Variants in GALNT14 observed in about 807,000 individuals in gnomAD.
GALNT14 encodes the protein polypeptide N-acetylgalactosaminyltransferase 14.
GALNT14 carries 60 observed loss-of-function variants against 77.5 expected under a neutral mutation model. That is an observed-to-expected ratio of 0.77 (90% CI 0.63 to 0.96). The LOEUF is 0.96. Among genes scored for constraint, GALNT14 ranks in the 40% least tolerant of loss-of-function variants. GALNT14 has a pLI of 0.00. For synonymous variants in GALNT14, 280 were observed against 281.7 expected (o/e 0.99, Z 0.06); for missense variants, 710 against 731.0 (o/e 0.97, Z 0.33).
At chr2:30,902,119 C>T in the GALNT14 span, among the ~76,000 whole-genome samples, 1 of 152,210 alleles carries the variant, frequency 6.6e-6, no homozygotes, top group Non-Finnish European at 1.5e-5. Flanking sequence ...TGGCTACACA[C>T]ATTCTCTGCT....
chr2:30,963,957 A>G (rs934772596), intron 3 of GALNT14, among the ~76,000 whole-genome samples: 7 of 152,212 alleles, frequency 4.6e-5, no homozygotes, highest in African/African-American at 1.7e-4. Flanking sequence ...GAGATGGATA[A>G]GATAAGTCCT....
intron 1 of GALNT14, among the ~76,000 whole-genome samples, chr2:31,107,393 C>G (rs1324269369): frequency 6.6e-6 from 1 of 152,218 alleles, no homozygotes; most frequent in Non-Finnish European, 1.5e-5. Context: ...CTACTTCCCC[C>G]TCATGGCCTC....
intron 1 of GALNT14, among the ~76,000 whole-genome samples, chr2:31,027,918 GCACGCA>G (rs1672170045): frequency 2.6e-5 from 4 of 151,556 alleles, no homozygotes; most frequent in Non-Finnish European, 5.9e-5. Flanking sequence ...GTGTGTGTGT[GCACGCA>G]TGCATGCGCA....
chr2:31,032,130 C>T (rs767633893), intron 1 of GALNT14, among the ~76,000 whole-genome samples: 7 of 152,302 alleles, frequency 4.6e-5, no homozygotes, highest in African/African-American at 7.2e-5. Flanking sequence ...TTGAGGCCTA[C>T]GGTAATGAGG....
chr2:30,982,180 C>T (rs148288746), intron 2 of GALNT14, among the ~76,000 whole-genome samples: 3 of 152,296 alleles, frequency 2.0e-5, no homozygotes, highest in African/African-American at 7.2e-5. Context: ...AAGACACCAC[C>T]ACTCAGCCTC....
intron 13 of GALNT14, among the ~76,000 whole-genome samples, chr2:30,923,327 G>C (rs940773939): frequency 7.9e-5 from 12 of 152,158 alleles, no homozygotes; most frequent in African/African-American, 2.9e-4. Flanking sequence ...ACCTTCCAAA[G>C]TGCTGGGATT....
intron 1 of GALNT14, among the ~76,000 whole-genome samples, chr2:31,113,187 A>C (rs2148627833): frequency 6.6e-6 from 1 of 152,332 alleles, no homozygotes; most frequent in African/African-American, 2.4e-5. Context: ...GCAATTCTGG[A>C]TAATGGTGGT....
At chr2:31,024,171 C>T (rs1357545278) in intron 1 of GALNT14, among the ~76,000 whole-genome samples, 1 of 152,146 alleles carries the variant, frequency 6.6e-6, no homozygotes, top group African/African-American at 2.4e-5. Context: ...TTGAAATATA[C>T]TCCATGCCAT....
At chr2:31,038,233 T>C (rs1672880877) in intron 1 of GALNT14, among the ~76,000 whole-genome samples, 2 of 151,106 alleles carry the variant, frequency 1.3e-5, no homozygotes, top group African/African-American at 4.9e-5. Context: ...GAGCTGAGAT[T>C]ACAGGCACAT....
At chr2:30,910,442 C>G (rs1664288144), downstream of GALNT14, 1 of 155,388 alleles carries the variant, frequency 6.4e-6, no homozygotes, top group Admixed American at 6.4e-5. Context: ...CCTGAGCCAA[C>G]AAAAGAAGAA....
the GALNT14 span, among the ~76,000 whole-genome samples, chr2:30,893,956 T>G: frequency 6.6e-6 from 1 of 152,210 alleles, no homozygotes; most frequent in East Asian, 1.9e-4. Flanking sequence ...CTTGAGCTTC[T>G]CAGTTACACT....
At chr2:30,925,797 A>G (rs1286183228) in intron 11 of GALNT14, among the ~76,000 whole-genome samples, 5 of 152,160 alleles carry the variant, frequency 3.3e-5, no homozygotes, top group Non-Finnish European at 5.9e-5. Flanking sequence ...GCAGGGCAAG[A>G]GGTGGTTTGT....
At chr2:31,115,453 A>G (rs1190041960) in intron 1 of GALNT14, among the ~76,000 whole-genome samples, 1 of 152,220 alleles carries the variant, frequency 6.6e-6, no homozygotes, top group African/African-American at 2.4e-5. Flanking sequence ...AAAAATCTCA[A>G]GATGGGTGAG....
chr2:30,981,006 C>T (rs1461629785), intron 2 of GALNT14, among the ~76,000 whole-genome samples: 2 of 152,126 alleles, frequency 1.3e-5, no homozygotes, highest in Non-Finnish European at 2.9e-5. Flanking sequence ...CTGGGGGCAC[C>T]GTGGTTCGAG....
chr2:31,084,504 A>T (rs1676315003), intron 1 of GALNT14, among the ~76,000 whole-genome samples: 1 of 152,198 alleles, frequency 6.6e-6, no homozygotes, highest in Non-Finnish European at 1.5e-5. Flanking sequence ...TTTATAAAAG[A>T]CTTTAGTGCC....
chr2:31,071,211 T>C (rs1403480819), intron 1 of GALNT14, among the ~76,000 whole-genome samples: 24 of 152,080 alleles, frequency 1.6e-4, no homozygotes, highest in Admixed American at 1.6e-3. Flanking sequence ...AACTTACTCA[T>C]GGAACCAGAT....
chr2:31,061,270 T>C (rs1056559071), intron 1 of GALNT14, among the ~76,000 whole-genome samples: 3 of 152,214 alleles, frequency 2.0e-5, no homozygotes, highest in Non-Finnish European at 4.4e-5. Context: ...CCTGTCTCCA[T>C]CCAGCTTCTC....
rs77968133 is a variant in GALNT14, at chr2:31,134,799, C to T, written c.129+3159G>A. On this transcript the variant is annotated intron_variant, in intron 1 of 14. Coordinates refer to ENST00000349752, the MANE Select transcript of GALNT14 (RefSeq NM_024572.4). ...CAATTCAGGCAGTCTCTGGGTTTAA[C>T]GGCATGGAAAAAGCAAGCAGTGGGC... Among the ~76,000 whole-genome samples the T allele has an allele frequency of 8.2e-3, 1,246 of 152,262 alleles. 91 individuals carry two copies. In the East Asian group the frequency reaches 0.17, roughly 20 times the overall value.
the GALNT14 span, among the ~76,000 whole-genome samples, chr2:30,904,502 C>A: frequency 1.3e-5 from 2 of 152,174 alleles, no homozygotes; most frequent in Non-Finnish European, 2.9e-5. Context: ...GCTTTTCCGA[C>A]GGGCTTAAAA....
Sources: gnomAD v4.1 joint callset for allele counts (sites outside exome capture counted in the v4.1 genomes callset) on GRCh38, gnomAD v4.1.1 for gene constraint, MANE v1.5 for transcripts, NCBI Gene and HGNC (gene_info 2026-07-23, HGNC 2026-07-21) for gene names.